The following INSL6 variants were observed in gnomAD, a reference collection of about 807,000 sequenced individuals.
INSL6 encodes insulin-like peptide INSL6.
In INSL6, 16 loss-of-function variants were observed where a neutral mutation model predicts 9.4. The observed-to-expected ratio is 1.70, with a 90% CI of 1.15 to 2.59. The LOEUF is 2.59. Among genes scored for constraint, INSL6 ranks in the 30% most tolerant of loss-of-function variants. The pLI, the probability that INSL6 is intolerant of heterozygous loss-of-function variation, is 0.00. For synonymous variants in INSL6, 154 were observed against 96.9 expected, an observed-to-expected ratio of 1.59 and a Z score of -3.46; for missense variants, 391 against 257.3, an observed-to-expected ratio of 1.52 and a Z score of -3.56.
intron 2 of INSL6, among the ~76,000 whole-genome samples, chr9:5,142,186 C>T (rs183038706): frequency 1.3e-4 from 20 of 152,186 alleles, no homozygotes; most frequent in African/African-American, 4.1e-4. Flanking sequence ...TGAGGAATGC[C>T]TTGGCTATTT....
chr9:5,110,834 G>A, the INSL6 span: 6 of 456,204 alleles, frequency 1.3e-5, no homozygotes, highest in Non-Finnish European at 2.5e-5. Context: ...CGTTTGTTCG[G>A]GGAAGGTGGG....
At chr9:5,084,293 CTTTG>C in the INSL6 span, among the ~76,000 whole-genome samples, 3 of 152,090 alleles carry the variant, frequency 2.0e-5, no homozygotes, top group African/African-American at 4.8e-5. Flanking sequence ...TTACTTTCAT[CTTTG>C]TTTGTTTGAA....
the INSL6 span, among the ~76,000 whole-genome samples, chr9:5,037,262 C>A: frequency 6.6e-6 from 1 of 152,104 alleles, no homozygotes; most frequent in Admixed American, 6.5e-5. Context: ...GTTGGTGGGA[C>A]TGTAAACTAG....
the INSL6 span, among the ~76,000 whole-genome samples, chr9:5,096,070 G>C: frequency 6.6e-6 from 1 of 152,048 alleles, no homozygotes; most frequent in Non-Finnish European, 1.5e-5. Context: ...AACCATTATA[G>C]CTATCATAAC....
the INSL6 span, chr9:5,110,764 C>A: frequency 2.6e-6 from 1 of 386,378 alleles, no homozygotes; most frequent in South Asian, 2.1e-5. Flanking sequence ...GCGGACTGGC[C>A]ATGCAGGAGT....
At chr9:5,052,024 C>CA in the INSL6 span, among the ~76,000 whole-genome samples, 9 of 151,932 alleles carry the variant, frequency 5.9e-5, no homozygotes, top group Non-Finnish European at 1.2e-4. Flanking sequence ...TGCTGTATGC[C>CA]AGGCTATAGT....
At chr9:5,113,158 G>C in the INSL6 span, among the ~76,000 whole-genome samples, 3 of 138,394 alleles carry the variant, frequency 2.2e-5, no homozygotes, top group African/African-American at 8.2e-5. Flanking sequence ...CCCTGAAACT[G>C]CATCTTGGCC....
At chr9:5,094,272 A>C in the INSL6 span, 1 of 152,152 alleles carries the variant, frequency 6.6e-6, no homozygotes, top group Non-Finnish European at 1.5e-5. Context: ...CTCAACGTCT[A>C]CTGTTACCCT....
the INSL6 span, among the ~76,000 whole-genome samples, chr9:5,096,494 A>G: frequency 3.3e-5 from 5 of 152,064 alleles, no homozygotes; most frequent in African/African-American, 9.7e-5. Flanking sequence ...TTCTCCCTCC[A>G]TGTGGGGGGA....
chr9:5,171,955 G>A (rs995514972), intron 1 of INSL6, among the ~76,000 whole-genome samples: 5 of 152,054 alleles, frequency 3.3e-5, no homozygotes, highest in African/African-American at 7.3e-5. Flanking sequence ...AACTACCATC[G>A]ACATTCTTCA....
chr9:5,170,947 T>C lies in INSL6; in HGVS notation c.290-6682A>G, dbSNP rs994510865. 1.4e-4 allele frequency among the ~76,000 whole-genome samples: 21 copies of C among 152,200 alleles called. No individual in the cohort carries two copies. The East Asian group carries it at 3.9e-3, about 28-fold the overall frequency. On this transcript the variant is annotated intron_variant, in intron 1 of 1. Transcript: ENST00000381641. ...CTGATATTCTTTCTTCTGAAACTAT[T>C]CCAAACAATCAAAAAGGAGGAACTC...
intron 1 of INSL6, among the ~76,000 whole-genome samples, chr9:5,179,985 G>T (rs1237445656): frequency 1.3e-5 from 2 of 152,104 alleles, no homozygotes; most frequent in Non-Finnish European, 2.9e-5. Flanking sequence ...TCCTGCACAT[G>T]TACTCCTGAA....
chr9:5,022,919 GTATT>G, the INSL6 span, among the ~76,000 whole-genome samples: 1 of 152,158 alleles, frequency 6.6e-6, no homozygotes, highest in African/African-American at 2.4e-5. Context: ...GTCTAATATA[GTATT>G]TATAAGAATG....
the INSL6 span, among the ~76,000 whole-genome samples, chr9:5,068,470 A>C: frequency 6.6e-6 from 1 of 152,240 alleles, no homozygotes; most frequent in Admixed American, 6.5e-5. Context: ...GACCTCTTAG[A>C]AACAGTGGTA....
At chr9:5,135,734 A>C (rs200182452) in intron 2 of INSL6, among the ~76,000 whole-genome samples, 4 of 152,122 alleles carry the variant, frequency 2.6e-5, no homozygotes, top group Non-Finnish European at 5.9e-5. Context: ...AGAGCAAACA[A>C]ATTTAAAAGC....
the INSL6 span, among the ~76,000 whole-genome samples, chr9:5,092,818 A>ATAGAATCT: frequency 1.2e-4 from 18 of 152,288 alleles, 1 homozygote; most frequent in African/African-American, 4.1e-4. Context: ...GTTGTCCAAG[A>ATAGAATCT]TAGAATCTTA....
chr9:5,130,987 C>T (rs1420789548), intron 3 of INSL6, among the ~76,000 whole-genome samples: 2 of 151,966 alleles, frequency 1.3e-5, no homozygotes, highest in African/African-American at 2.4e-5. Context: ...CCTCGGCCTC[C>T]CAAAGTGTCG....
chr9:5,095,791 A>G, the INSL6 span, among the ~76,000 whole-genome samples: 1 of 152,228 alleles, frequency 6.6e-6, no homozygotes, highest in Non-Finnish European at 1.5e-5. Flanking sequence ...TATAGGTTGA[A>G]TGATCCCAGT....
chr9:5,077,572 C>T, the INSL6 span: 1 of 1,480,308 alleles, frequency 6.8e-7, no homozygotes, highest in Non-Finnish European at 9.0e-7. Flanking sequence ...ATGGGCCATG[C>T]ATTTTCTAGT....
Sources: allele counts gnomAD v4.1 joint callset (sites outside exome capture counted in the v4.1 genomes callset), GRCh38; gene constraint gnomAD v4.1.1; transcripts MANE v1.5; gene names NCBI Gene and HGNC (gene_info 2026-07-23, HGNC 2026-07-21).